Variants in LAMA3 observed in about 807,000 individuals in gnomAD.
The protein encoded by LAMA3 is laminin subunit alpha-3.
In LAMA3, 281 loss-of-function variants were observed where a neutral mutation model predicts 402.0. The ratio of observed to expected loss-of-function variants is 0.70; its 90% CI spans 0.63 to 0.77. The LOEUF (loss-of-function observed/expected upper bound fraction) is 0.77. Ranked by LOEUF, LAMA3 falls within the 30% of genes least tolerant of loss-of-function variation. The pLI is 0.00. For synonymous variants in LAMA3, 1,431 were observed against 1,558.4 expected (o/e 0.92, Z 1.93); for missense variants, 3,840 against 4,215.5 (o/e 0.91, Z 2.47).
chr18:23,942,976 A>G (rs192316352), intron 68 of LAMA3, among the ~76,000 whole-genome samples: 82 of 152,190 alleles, frequency 5.4e-4, no homozygotes, highest in African/African-American at 1.9e-3. Context: ...AAATGTAGAG[A>G]TGGGTGGGAG....
At chr18:23,872,083 ATTAT>A (rs1237636405) in intron 38 of LAMA3, among the ~76,000 whole-genome samples, 2 of 152,224 alleles carry the variant, frequency 1.3e-5, no homozygotes, top group Non-Finnish European at 2.9e-5. Flanking sequence ...ATTTATCATT[ATTAT>A]TTATCAGTTT....
At chr18:23,802,090 G>A (rs185158270) in intron 12 of LAMA3, among the ~76,000 whole-genome samples, 6 of 152,110 alleles carry the variant, frequency 3.9e-5, no homozygotes, top group Admixed American at 1.3e-4. Flanking sequence ...AAATGCTCCC[G>A]CATCCAGAAC....
At chr18:23,707,116 A>G (rs1194002234) in intron 1 of LAMA3, among the ~76,000 whole-genome samples, 1 of 152,156 alleles carries the variant, frequency 6.6e-6, no homozygotes, top group African/African-American at 2.4e-5. Flanking sequence ...TTCTCTCACA[A>G]TTCTGTGGGT....
chr18:23,906,582 A>C (rs2081257659), intron 52 of LAMA3, among the ~76,000 whole-genome samples: 1 of 152,260 alleles, frequency 6.6e-6, no homozygotes, highest in African/African-American at 2.4e-5. Flanking sequence ...AGAGGGATTA[A>C]ATGATGCCTC....
chr18:23,806,746 A>G (rs570715757), intron 12 of LAMA3, among the ~76,000 whole-genome samples: 6 of 152,340 alleles, frequency 3.9e-5, no homozygotes, highest in African/African-American at 1.2e-4. Context: ...CAGACCTCGC[A>G]GGATGAAGAT....
At chr18:23,690,200 A>G (rs913602634) in intron 1 of LAMA3, among the ~76,000 whole-genome samples, 1 of 152,096 alleles carries the variant, frequency 6.6e-6, no homozygotes, top group Non-Finnish European at 1.5e-5. Flanking sequence ...GGAGCACGCG[A>G]GGTGACATGA....
At position 23,824,812 on chromosome 18, in the gene LAMA3, T is replaced by C. The variant is rs79194586; in HGVS notation, c.2571+247T>C. ...TCTCTTGGACAAAAAAAATAAAAGA[T>C]AAAAAAGGTCTCCTAAAGACTCTTA... On this transcript the variant is annotated intron_variant, in intron 21 of 74. Coordinates refer to ENST00000313654, the MANE Select transcript of LAMA3 (RefSeq NM_198129.4). Among the ~76,000 whole-genome samples, 53 of 152,256 alleles carry C rather than the reference T, an allele frequency of 3.5e-4. 1 individual carries two copies. In the East Asian group the frequency reaches 8.5e-3, roughly 24 times the overall value.
intron 11 of LAMA3, among the ~76,000 whole-genome samples, chr18:23,779,156 G>A (rs1225768528): frequency 3.3e-5 from 5 of 152,164 alleles, no homozygotes; most frequent in South Asian, 4.1e-4. Context: ...GGAGGCCCTC[G>A]TCAGCCACTA....
intron 1 of LAMA3, among the ~76,000 whole-genome samples, chr18:23,695,065 G>A (rs182508530): frequency 7.0e-4 from 106 of 152,338 alleles, no homozygotes; most frequent in African/African-American, 2.5e-3. Context: ...CTGGAAGACA[G>A]GTGTGGCCCT....
At chr18:23,706,458 G>C (rs1458103235) in intron 1 of LAMA3, among the ~76,000 whole-genome samples, 1 of 151,962 alleles carries the variant, frequency 6.6e-6, no homozygotes, top group Non-Finnish European at 1.5e-5. Context: ...TCTAACTCTG[G>C]TTATCATCAA....
intron 12 of LAMA3, among the ~76,000 whole-genome samples, chr18:23,807,846 C>A (rs1168464811): frequency 1.3e-5 from 2 of 152,192 alleles, no homozygotes; most frequent in East Asian, 3.8e-4. Flanking sequence ...ACATAGTTAG[C>A]CAAGTTGACA....
chr18:23,852,336 G>A (rs541665123), intron 32 of LAMA3, among the ~76,000 whole-genome samples: 16 of 152,292 alleles, frequency 1.1e-4, no homozygotes, highest in Admixed American at 1.3e-4. Flanking sequence ...AGACAATGTT[G>A]ATAAATGCAT....
At chr18:23,746,579 A>C (rs2143504886) in intron 2 of LAMA3, among the ~76,000 whole-genome samples, 1 of 152,342 alleles carries the variant, frequency 6.6e-6, no homozygotes. Context: ...CACTGCTCTC[A>C]CCAAAAATTT....
At chr18:23,841,074 A>T (rs956256358) in intron 27 of LAMA3, among the ~76,000 whole-genome samples, 5 of 152,238 alleles carry the variant, frequency 3.3e-5, no homozygotes, top group African/African-American at 1.2e-4. Flanking sequence ...GGATTTGGGA[A>T]TCTACAGGAT....
In LAMA3 at chr18:23,872,909, A is replaced by C. The variant is rs531294682; in HGVS notation, c.4998+1248A>C. 285 of 939,644 alleles carry C rather than the reference A, an allele frequency of 3.0e-4. 4 individuals are homozygous for C. The South Asian group carries it at 3.3e-3, about 11-fold the overall frequency. 58.2% of individuals were successfully genotyped at this position (939,644 alleles called of 1,614,324 possible). A position where few individuals can be genotyped will look rare whatever the true frequency, so the allele number is the denominator to read the frequency against. ...CTGGCACAGGCTGACTCATGTGTGA[A>C]GTTTAAAGGTGGGGCCCCTGCCGCA... On this transcript the variant is annotated intron_variant, in intron 38 of 74. Transcript: ENST00000313654.
At chr18:23,794,510 C>T (rs1348220024) in intron 12 of LAMA3, among the ~76,000 whole-genome samples, 3 of 152,198 alleles carry the variant, frequency 2.0e-5, no homozygotes, top group African/African-American at 7.2e-5. Context: ...CTACCACTCA[C>T]CTCTCCACCT....
intron 56 of LAMA3, 122 bp downstream of exon 56, chr18:23,913,003 A>C (rs2081486890): frequency 1.3e-5 from 12 of 929,408 alleles, no homozygotes; most frequent in Non-Finnish European, 1.9e-5. Context: ...TCCTACTGAG[A>C]CATCGACAAA....
At chr18:23,841,567 G>T (rs2063702007) in intron 27 of LAMA3, among the ~76,000 whole-genome samples, 1 of 152,188 alleles carries the variant, frequency 6.6e-6, no homozygotes, top group East Asian at 1.9e-4. Flanking sequence ...GCTTGTTTGG[G>T]TGTGGGACAA....
At chr18:23,929,583 G>T (rs1028764593) in intron 64 of LAMA3, among the ~76,000 whole-genome samples, 1 of 151,876 alleles carries the variant, frequency 6.6e-6, no homozygotes, top group African/African-American at 2.4e-5. Flanking sequence ...CCCCTCTCTT[G>T]GTGGCTGACT....
Sources: gnomAD v4.1 joint callset for allele counts (sites outside exome capture counted in the v4.1 genomes callset) on GRCh38, gnomAD v4.1.1 for gene constraint, MANE v1.5 for transcripts, NCBI Gene and HGNC (gene_info 2026-07-23, HGNC 2026-07-21) for gene names.